The following LRP1B variants were observed in gnomAD, a reference collection of about 807,000 sequenced individuals.
LRP1B encodes the protein LDL receptor related protein 1B.
In LRP1B, 217 loss-of-function variants were observed where a neutral mutation model predicts 556.6. The observed-to-expected ratio is 0.39, with a 90% CI of 0.35 to 0.44. The LOEUF (loss-of-function observed/expected upper bound fraction) is 0.44, where lower values mean the gene tolerates loss of function less well. Ranked by LOEUF, LRP1B falls within the 20% of genes least tolerant of loss-of-function variation. LRP1B has a pLI of 1.00. For missense variants in LRP1B, 5,053 were observed against 5,620.8 expected, an observed-to-expected ratio of 0.90 and a Z score of 3.23; for synonymous variants, 2,047 against 1,865.8, an observed-to-expected ratio of 1.10 and a Z score of -2.50.
At chr2:141,509,866 T>G (rs897715837) in intron 2 of LRP1B, among the ~76,000 whole-genome samples, 3 of 152,172 alleles carry the variant, frequency 2.0e-5, no homozygotes, top group African/African-American at 7.2e-5. Flanking sequence ...GAACAGATCT[T>G]GGAACTGCAC....
At chr2:141,555,277 T>C (rs1396155646) in intron 2 of LRP1B, among the ~76,000 whole-genome samples, 2 of 152,024 alleles carry the variant, frequency 1.3e-5, no homozygotes, top group Non-Finnish European at 2.9e-5. Context: ...GAGGAAGTCA[T>C]GAAATGCTCA....
chr2:140,766,865 T>A (rs7584108), intron 35 of LRP1B, among the ~76,000 whole-genome samples: 6,249 of 58,866 alleles, frequency 0.11, 204 homozygotes, highest in Middle Eastern at 0.19. Flanking sequence ...TATATATATA[T>A]AATATATATA....
intron 2 of LRP1B, among the ~76,000 whole-genome samples, chr2:141,801,793 T>C (rs1696015455): frequency 6.6e-6 from 1 of 152,158 alleles, no homozygotes; most frequent in Non-Finnish European, 1.5e-5. Flanking sequence ...ATTAGTACTC[T>C]AGAATTTAGT....
At chr2:141,376,889 T>C (rs1417801573) in intron 3 of LRP1B, among the ~76,000 whole-genome samples, 1 of 152,154 alleles carries the variant, frequency 6.6e-6, no homozygotes, top group Non-Finnish European at 1.5e-5. Context: ...AAATTTTCTG[T>C]ATTCTTAAAT....
intron 2 of LRP1B, among the ~76,000 whole-genome samples, chr2:141,696,080 TAACTC>T (rs553238440): frequency 6.6e-6 from 1 of 152,138 alleles, no homozygotes; most frequent in Non-Finnish European, 1.5e-5. Context: ...CTTAATCAGA[TAACTC>T]AACTCATGGT....
At chr2:140,654,750 G>A (rs952508403) in intron 41 of LRP1B, among the ~76,000 whole-genome samples, 7 of 152,058 alleles carry the variant, frequency 4.6e-5, no homozygotes, top group South Asian at 2.1e-4. Context: ...CATAAGAGAC[G>A]AGAAGGGATG....
At chr2:140,300,417 T>C (rs1489936084) in intron 83 of LRP1B, among the ~76,000 whole-genome samples, 1 of 152,134 alleles carries the variant, frequency 6.6e-6, no homozygotes. Flanking sequence ...TACAGAGATT[T>C]TTAGGTAGCA....
intron 18 of LRP1B, among the ~76,000 whole-genome samples, chr2:140,976,279 C>T (rs1277234980): frequency 6.6e-6 from 1 of 151,920 alleles, no homozygotes; most frequent in Non-Finnish European, 1.5e-5. Context: ...TTCCTCTCCT[C>T]TCCCTACCCC....
At chr2:140,538,682 T>A (rs1680021414) in intron 45 of LRP1B, among the ~76,000 whole-genome samples, 2 of 152,032 alleles carry the variant, frequency 1.3e-5, no homozygotes, top group South Asian at 4.1e-4. Context: ...TTAAAAAAAA[T>A]AAAAGGGTGC....
intron 7 of LRP1B, among the ~76,000 whole-genome samples, chr2:141,137,685 T>G (rs1442931715): frequency 6.6e-6 from 1 of 152,058 alleles, no homozygotes; most frequent in East Asian, 1.9e-4. Flanking sequence ...TTTAAAAATA[T>G]ATGTCACACA....
chr2:141,010,024 T>G, intron 14 of LRP1B, among the ~76,000 whole-genome samples: 1 of 152,182 alleles, frequency 6.6e-6, no homozygotes. Flanking sequence ...TAGTACCTAT[T>G]TTAAATATAT....
chr2:140,968,235 A>G (rs1423189895), intron 18 of LRP1B, among the ~76,000 whole-genome samples: 1 of 151,778 alleles, frequency 6.6e-6, no homozygotes, highest in Non-Finnish European at 1.5e-5. Flanking sequence ...TCAGGGATTC[A>G]ACTTCTTCCT....
At chr2:140,884,095 C>A (rs1693560374) in intron 24 of LRP1B, 74 bp from the exon 25 acceptor site, 2 of 1,306,378 alleles carry the variant, frequency 1.5e-6, no homozygotes, top group Admixed American at 3.8e-5. Flanking sequence ...GGCCTTTGTG[C>A]CTGTGATCAG....
In LRP1B at chr2:140,274,538, A is replaced by G; in HGVS notation, c.13028T>C (p.Val4343Ala). 1 of 1,612,618 alleles carries G rather than the reference A, an allele frequency of 6.2e-7. No homozygotes were observed. Among genetic ancestry groups the G allele is most frequent in the Non-Finnish European group, 8.5e-7 (1 of 1,179,098 alleles). Residue 4343 changes from valine (V) to alanine (A), a missense_variant, in exon 85 of 91, where the codon GTT becomes GCT. Transcript: ENST00000389484. The stretch of plus-strand genomic sequence containing the variant: ...ATAGCGCGTTGGACAGACACATTCA[A>G]CACTTCCATCATCCCCAATGGTACA... ...ESCTIGDDGS[V>A]ECVCPTRYEG... is the part of the protein sequence containing the mutation.
intron 2 of LRP1B, among the ~76,000 whole-genome samples, chr2:141,550,387 C>G (rs1451337624): frequency 6.6e-6 from 1 of 152,110 alleles, no homozygotes; most frequent in Non-Finnish European, 1.5e-5. Flanking sequence ...AAATTTTTCT[C>G]ATTCTACAAT....
intron 3 of LRP1B, among the ~76,000 whole-genome samples, chr2:141,352,516 C>A (rs1482869429): frequency 6.6e-6 from 1 of 151,842 alleles, no homozygotes; most frequent in African/African-American, 2.4e-5. Flanking sequence ...CCTTTTGGTT[C>A]TCAGAAAAGA....
intron 7 of LRP1B, among the ~76,000 whole-genome samples, chr2:141,129,077 C>A (rs952220545): frequency 5.9e-5 from 9 of 151,728 alleles, no homozygotes; most frequent in Non-Finnish European, 1.5e-5. Context: ...ATTAAAGTAA[C>A]CAGAAATGGA....
chr2:141,589,295 T>G (rs1382958473), intron 2 of LRP1B, among the ~76,000 whole-genome samples: 1 of 152,172 alleles, frequency 6.6e-6, no homozygotes, highest in East Asian at 1.9e-4. Flanking sequence ...ACTATGGAAC[T>G]TAAAATAACA....
chr2:140,387,532 T>C (rs1683811639), intron 66 of LRP1B, among the ~76,000 whole-genome samples: 2 of 152,136 alleles, frequency 1.3e-5, no homozygotes, highest in South Asian at 2.1e-4. Context: ...TCCAGCAACA[T>C]TTTATTAGAG....
Sources: allele counts gnomAD v4.1 joint callset (sites outside exome capture counted in the v4.1 genomes callset), GRCh38; gene constraint gnomAD v4.1.1; transcripts MANE v1.5; gene names NCBI Gene and HGNC (gene_info 2026-07-23, HGNC 2026-07-21).